PPP4R4: variants seen among roughly 807,000 people sequenced by gnomAD.
The protein encoded by PPP4R4 is protein phosphatase 4 regulatory subunit 4, also known as serine/threonine-protein phosphatase 4 regulatory subunit 4.
Under a neutral mutation model 121.8 loss-of-function variants are expected in PPP4R4, and 70 were observed. That is an observed-to-expected ratio of 0.57 (90% CI 0.47 to 0.70). The LOEUF is 0.70. Among genes scored for constraint, PPP4R4 ranks in the 30% least tolerant of loss-of-function variants. PPP4R4 has a pLI of 0.00. For synonymous variants in PPP4R4, 348 were observed against 355.7 expected (o/e 0.98, Z 0.24); for missense variants, 875 against 1,033.6 (o/e 0.85, Z 2.10).
chr14:94,246,162 A>G (rs935009528), intron 13 of PPP4R4, among the ~76,000 whole-genome samples, 195 bp from the exon 14 acceptor site: 2 of 152,190 alleles, frequency 1.3e-5, no homozygotes, highest in Non-Finnish European at 2.9e-5. Flanking sequence ...CCCAGGAATC[A>G]TACTTTTTAC....
In PPP4R4 at chr14:94,237,636, G is replaced by A. The variant is rs1015222907; in HGVS notation, c.803G>A (p.Arg268Gln). The change falls in exon 8 of 25, where the codon CGA becomes CAA. Residue 268 changes from arginine (R) to glutamine (Q), a missense_variant. Arg to Gln is a conservative substitution (Grantham distance 43, BLOSUM62 1). Coordinates refer to ENST00000304338, the MANE Select transcript of PPP4R4 (RefSeq NM_058237.2). ...ELSRDEGSSV[R>Q]LAAFETLVNL... The stretch of plus-strand genomic sequence containing the variant: ...TCTAGGGATGAAGGCAGCAGTGTAC[G>A]ACTTGCAGCTTTTGAAACTTTGGTT... 5 of 1,611,852 alleles carry A rather than the reference G, an allele frequency of 3.1e-6. No homozygotes were observed. Among genetic ancestry groups the A allele is most frequent in the Non-Finnish European group, 4.2e-6 (5 of 1,177,920 alleles).
intron 3 of PPP4R4, among the ~76,000 whole-genome samples, chr14:94,222,510 A>G (rs1182520831): frequency 6.6e-6 from 1 of 150,900 alleles, no homozygotes; most frequent in Non-Finnish European, 1.5e-5. Context: ...TATCTAACCA[A>G]TATCTATTTA....
intron 2 of PPP4R4, among the ~76,000 whole-genome samples, chr14:94,204,336 G>T (rs1303640584): frequency 6.6e-6 from 1 of 151,960 alleles, no homozygotes; most frequent in Non-Finnish European, 1.5e-5. Context: ...TGATGAAAAG[G>T]CTGTCTTTTG....
intron 23 of PPP4R4, among the ~76,000 whole-genome samples, chr14:94,270,312 A>C (rs570876695): frequency 6.6e-6 from 1 of 152,310 alleles, no homozygotes; most frequent in South Asian, 2.1e-4. Context: ...TTTTTTCTAA[A>C]TTGATCCAGA....
At chr14:94,211,919 T>C (rs1376177928) in intron 3 of PPP4R4, among the ~76,000 whole-genome samples, 1 of 152,236 alleles carries the variant, frequency 6.6e-6, no homozygotes, top group Non-Finnish European at 1.5e-5. Context: ...TCAGTTATAG[T>C]TGATAGTCTG....
chr14:94,204,963 C>T (rs1477133678), intron 2 of PPP4R4, among the ~76,000 whole-genome samples: 1 of 152,136 alleles, frequency 6.6e-6, no homozygotes, highest in African/African-American at 2.4e-5. Context: ...CGTTGCATCC[C>T]TGCAATAAAC....
At chr14:94,278,009 T>A (rs576578146) in intron 24 of PPP4R4, among the ~76,000 whole-genome samples, 18 of 152,324 alleles carry the variant, frequency 1.2e-4, no homozygotes, top group African/African-American at 4.3e-4. Context: ...GCCACATGGC[T>A]GGATGGGTGA....
Position 94,259,314 on chromosome 14 carries a change from AG to A in PPP4R4, c.2073del (p.Asp693IlefsTer20). 1 of 1,607,316 alleles carries A rather than the reference AG, an allele frequency of 6.2e-7. No homozygotes were observed. The highest frequency in any genetic ancestry group is 1.7e-5 in the Admixed American group (1 of 57,662). ...AAACAGTTTCAGAAAAAGTTTTATG[AG>A]AAAGATTTGTTGGATCAAGAGAAAG... ...SMDAFQKKFY[E>X]KDLLDQEKER... On this transcript the variant is annotated frameshift_variant, in exon 19 of 25. Transcript: ENST00000304338. LOFTEE classifies it high-confidence loss of function.
intron 15 of PPP4R4, 80 bp from the exon 16 acceptor site, chr14:94,251,669 G>A (rs1178162615): frequency 8.8e-7 from 1 of 1,139,892 alleles, no homozygotes; most frequent in Non-Finnish European, 1.2e-6. Context: ...AACTTCTTAT[G>A]CATTTTGTGT....
At chr14:94,233,294 T>TA (rs1284626433) in intron 5 of PPP4R4, among the ~76,000 whole-genome samples, 2 of 152,218 alleles carry the variant, frequency 1.3e-5, no homozygotes, top group African/African-American at 4.8e-5. Context: ...CATATAAAAA[T>TA]TAATCTATAT....
At chr14:94,235,983 T>A (rs1171844046) in intron 7 of PPP4R4, among the ~76,000 whole-genome samples, 1 of 152,158 alleles carries the variant, frequency 6.6e-6, no homozygotes, top group Non-Finnish European at 1.5e-5. Flanking sequence ...CTTTGTTAAT[T>A]TTTTAAAAAT....
intron 2 of PPP4R4, among the ~76,000 whole-genome samples, chr14:94,198,166 G>A (rs2139422086): frequency 6.6e-6 from 1 of 152,172 alleles, no homozygotes; most frequent in South Asian, 2.1e-4. Flanking sequence ...GTATGTGAAA[G>A]GACCATTACT....
chr14:94,253,874 C>T (rs73344826), intron 16 of PPP4R4, among the ~76,000 whole-genome samples: 2,355 of 152,242 alleles, frequency 0.015, 73 homozygotes, highest in African/African-American at 0.054. Flanking sequence ...GTATAAAAGC[C>T]CTTGCTCAGT....
chr14:94,240,616 C>T, intron 8 of PPP4R4, 57 bp from the exon 9 acceptor site: 9 of 1,537,100 alleles, frequency 5.9e-6, no homozygotes, highest in Non-Finnish European at 7.9e-6. Context: ...TTAGTTTCCA[C>T]ATGTGCAATG....
At chr14:94,208,668 C>A in intron 3 of PPP4R4, 102 bp downstream of exon 3, 1 of 788,322 alleles carries the variant, frequency 1.3e-6, no homozygotes, top group Non-Finnish European at 2.0e-6. Flanking sequence ...TCTTTTGCAC[C>A]TAAAAATTGA....
chr14:94,273,981 C>A (rs899383844), intron 23 of PPP4R4, among the ~76,000 whole-genome samples: 7 of 152,008 alleles, frequency 4.6e-5, no homozygotes, highest in Non-Finnish European at 1.0e-4. Flanking sequence ...TAAGTAATTT[C>A]TCATCCATCA....
chr14:94,232,580 A>G lies in PPP4R4; in HGVS notation c.517-1073A>G, dbSNP rs188350320. On this transcript the variant is annotated intron_variant, in intron 5 of 24. Coordinates refer to ENST00000304338, the MANE Select transcript of PPP4R4 (RefSeq NM_058237.2). ...TTTAACATGTGGTTTCAAAGATTTT[A>G]GATATGTAATTTATTCTAAACTTTT... Among the ~76,000 whole-genome samples the G allele has an allele frequency of 1.4e-4, 22 of 152,368 alleles. No homozygotes were observed. The East Asian group carries it at 3.1e-3, about 21-fold the overall frequency.
At position 94,244,724 on chromosome 14, in the gene PPP4R4, T is replaced by C. The variant is rs760413374; in HGVS notation, c.1344+12T>C. The C allele has an allele frequency of 6.7e-7, 1 of 1,486,496 alleles. No homozygotes were observed. Among genetic ancestry groups the C allele is most frequent in the Non-Finnish European group, 9.1e-7 (1 of 1,103,364 alleles). 92.1% of individuals were successfully genotyped at this position (1,486,496 alleles called of 1,614,324 possible). A position where few individuals can be genotyped will look rare whatever the true frequency, so the allele number is the denominator to read the frequency against. On this transcript the variant is annotated intron_variant, in intron 12 of 24. Coordinates refer to ENST00000304338, the MANE Select transcript of PPP4R4 (RefSeq NM_058237.2). The stretch of plus-strand genomic sequence containing the variant: ...ATGAATCACTGGAGGTAATATTTTC[T>C]TACTCTTTGATTTTTAATTCTTTTA...
Position 94,246,444 on chromosome 14 carries a change from C to T in PPP4R4, c.1516C>T (p.Leu506=), listed in dbSNP as rs1595520748. ...TTTAAAATGGAGAACTCATGAGAAGCTACTTCAGAAATATGCCTGCCTGCC... is the reference window on the plus strand; with the variant it reads ...TTTAAAATGGAGAACTCATGAGAAGTTACTTCAGAAATATGCCTGCCTGCC... ...ASLKWRTHEK[L]LQKYACLPHV... The change falls in exon 14 of 25, where the codon CTA becomes TTA. Residue 506 remains leucine, a synonymous_variant. Coordinates refer to ENST00000304338, the MANE Select transcript of PPP4R4 (RefSeq NM_058237.2). The T allele has an allele frequency of 1.2e-6, 2 of 1,613,944 alleles. No individual in the cohort carries two copies. Among genetic ancestry groups the T allele is most frequent in the Non-Finnish European group, 1.7e-6 (2 of 1,179,942 alleles).
Sources: gnomAD v4.1 joint callset for allele counts (sites outside exome capture counted in the v4.1 genomes callset) on GRCh38, gnomAD v4.1.1 for gene constraint, MANE v1.5 for transcripts, NCBI Gene and HGNC (gene_info 2026-07-23, HGNC 2026-07-21) for gene names.